Variants in PCBD2 observed in about 807,000 individuals in gnomAD.
PCBD2 encodes the protein pterin-4-alpha-carbinolamine dehydratase 2.
PCBD2 carries 12 observed loss-of-function variants against 16.4 expected under a neutral mutation model. The ratio of observed to expected loss-of-function variants is 0.73; its 90% confidence interval spans 0.47 to 1.19. The LOEUF is 1.19. Among genes scored for constraint, PCBD2 ranks in the 50% most tolerant of loss-of-function variants. PCBD2 has a pLI of 0.00. For synonymous variants in PCBD2, 58 were observed against 61.8 expected, an observed-to-expected ratio of 0.94 and a Z score of 0.29; for missense variants, 138 against 156.8, an observed-to-expected ratio of 0.88 and a Z score of 0.64.
intron 2 of PCBD2, among the ~76,000 whole-genome samples, chr5:134,933,098 C>T (rs139870186): frequency 4.2e-4 from 64 of 152,146 alleles, no homozygotes; most frequent in African/African-American, 1.4e-3. Context: ...CACTTAAAAA[C>T]GCTGTGAATG....
chr5:134,919,047 A>G (rs75435401), intron 2 of PCBD2, among the ~76,000 whole-genome samples: 3,678 of 152,368 alleles, frequency 0.024, 59 homozygotes, highest in Middle Eastern at 0.061. Flanking sequence ...TGAAAACACC[A>G]TGGTCCTTAC....
chr5:134,956,353 G>A (rs1201300547), intron 2 of PCBD2, among the ~76,000 whole-genome samples: 1 of 152,146 alleles, frequency 6.6e-6, no homozygotes, highest in East Asian at 1.9e-4. Flanking sequence ...CTTAGGCTGT[G>A]GCTGTGTTTC....
At chr5:134,926,728 TGA>T (rs759834918) in intron 2 of PCBD2, 1 of 397,376 alleles carries the variant, frequency 2.5e-6, no homozygotes, top group Non-Finnish European at 4.4e-6. Context: ...TGTATGAACA[TGA>T]GAGTGTTTTC....
chr5:134,926,221 A>G, intron 2 of PCBD2: 1 of 325,462 alleles, frequency 3.1e-6, no homozygotes, highest in Non-Finnish European at 5.5e-6. Flanking sequence ...ATCTAGTTTG[A>G]AGCTTAGGGA....
chr5:134,915,809 A>G (rs1348312403), intron 2 of PCBD2, among the ~76,000 whole-genome samples: 1 of 152,110 alleles, frequency 6.6e-6, no homozygotes, highest in South Asian at 2.1e-4. Flanking sequence ...TGGTGAGAAC[A>G]TATCTCCCTT....
intron 2 of PCBD2, chr5:134,926,702 G>A: frequency 2.5e-6 from 1 of 397,196 alleles, no homozygotes; most frequent in Non-Finnish European, 4.4e-6. Context: ...GGGATAGGAG[G>A]AGGATAGGGG....
chr5:134,911,534 C>T (rs1262194155), intron 2 of PCBD2, among the ~76,000 whole-genome samples: 2 of 152,150 alleles, frequency 1.3e-5, no homozygotes, highest in African/African-American at 2.4e-5. Flanking sequence ...AAGTCAGAGA[C>T]CATGTTTGCT....
chr5:134,951,577 C>G (rs765954422), intron 2 of PCBD2, among the ~76,000 whole-genome samples: 6 of 152,186 alleles, frequency 3.9e-5, no homozygotes, highest in Non-Finnish European at 7.4e-5. Context: ...CAGATAATGT[C>G]AGATTGCCTT....
At chr5:134,927,559 G>A (rs879953551) in intron 2 of PCBD2, 1 of 396,896 alleles carries the variant, frequency 2.5e-6, no homozygotes, top group African/African-American at 2.1e-5. Context: ...GCGATGAGTA[G>A]GGGGAGGGAG....
chr5:134,953,780 G>A (rs997235457), intron 2 of PCBD2, among the ~76,000 whole-genome samples: 2 of 152,204 alleles, frequency 1.3e-5, no homozygotes, highest in Non-Finnish European at 1.5e-5. Flanking sequence ...CAGCCTGGGC[G>A]ACAGAGTGAG....
At chr5:134,924,775 A>T (rs1465202817) in intron 2 of PCBD2, 4 of 394,090 alleles carry the variant, frequency 1.0e-5, no homozygotes, top group African/African-American at 2.1e-5. Flanking sequence ...TGTTTTAGGT[A>T]GTAGCTTTTC....
chr5:134,922,264 G>A (rs1750913394), intron 2 of PCBD2, among the ~76,000 whole-genome samples: 2 of 152,080 alleles, frequency 1.3e-5, no homozygotes, highest in Admixed American at 6.5e-5. Flanking sequence ...GTTGCAGCCT[G>A]GAACTCCTGG....
In PCBD2 at chr5:134,923,564, T is replaced by C. The variant is rs189401995; in HGVS notation, c.216+13098T>C. 2.5e-4 allele frequency: 80 copies of C among 323,344 alleles called. No individual in the cohort carries two copies. In the Admixed American group the frequency reaches 2.9e-3, roughly 12 times the overall value. The allele number at this position is 323,344 out of a possible 1,614,324, so 20.0% of individuals were successfully genotyped here. ...CTACTGAGTAGCCTCCTCAGATTCA[T>C]TGGACCAGATCTGTTCCGATGTATG... On this transcript the variant is annotated intron_variant, in intron 2 of 3. Coordinates refer to ENST00000254908, the MANE Select transcript of PCBD2 (RefSeq NM_032151.5).
At chr5:134,932,963 C>T (rs182033419) in intron 2 of PCBD2, among the ~76,000 whole-genome samples, 1 of 152,236 alleles carries the variant, frequency 6.6e-6, no homozygotes, top group East Asian at 1.9e-4. Flanking sequence ...TGATACCCTC[C>T]TGTTAACATT....
At chr5:134,936,441 C>T (rs1211621215) in intron 2 of PCBD2, among the ~76,000 whole-genome samples, 1 of 152,206 alleles carries the variant, frequency 6.6e-6, no homozygotes, top group African/African-American at 2.4e-5. Flanking sequence ...GGGCCAGAGC[C>T]CAGGAAGGTG....
intron 1 of PCBD2, 185 bp downstream of exon 1, chr5:134,905,408 G>T: frequency 2.3e-6 from 1 of 428,688 alleles, no homozygotes; most frequent in East Asian, 3.8e-5. Flanking sequence ...CAGAGACCGG[G>T]GTGGCCGCAG....
At chr5:134,955,183 A>G (rs1478862150) in intron 2 of PCBD2, among the ~76,000 whole-genome samples, 2 of 151,104 alleles carry the variant, frequency 1.3e-5, no homozygotes, top group East Asian at 3.9e-4. Context: ...TAAACCCTTT[A>G]TTTTTGGAAA....
At chr5:134,945,132 A>C (rs1751276492) in intron 2 of PCBD2, among the ~76,000 whole-genome samples, 1 of 152,362 alleles carries the variant, frequency 6.6e-6, no homozygotes, top group South Asian at 2.1e-4. Flanking sequence ...TAAACTTGTA[A>C]AAACAAAAGG....
intron 2 of PCBD2, among the ~76,000 whole-genome samples, chr5:134,943,549 A>G (rs1005039281): frequency 6.6e-6 from 1 of 152,234 alleles, no homozygotes; most frequent in Admixed American, 6.5e-5. Context: ...TTGCCTGAAA[A>G]GGATACTTCA....
Sources: gnomAD v4.1 joint callset for allele counts (sites outside exome capture counted in the v4.1 genomes callset) on GRCh38, gnomAD v4.1.1 for gene constraint, MANE v1.5 for transcripts, NCBI Gene and HGNC (gene_info 2026-07-23, HGNC 2026-07-21) for gene names.